Variants in TATDN1 observed in about 807,000 individuals in gnomAD.
TATDN1 encodes the protein TatD DNase domain containing 1.
A neutral mutation model predicts 46.4 loss-of-function variants in TATDN1; 40 were observed. That is an observed-to-expected ratio of 0.86 (90% CI 0.67 to 1.12). TATDN1 has a LOEUF of 1.12. TATDN1 is among the 50% of genes most tolerant of loss of function. The pLI is 0.00. For synonymous variants in TATDN1, 95 were observed against 105.6 expected (o/e 0.90, Z 0.62); for missense variants, 326 against 348.4 (o/e 0.94, Z 0.51).
intron 8 of TATDN1, 119 bp downstream of exon 8, chr8:124,508,355 T>C (rs568039678): frequency 9.1e-6 from 7 of 773,260 alleles, no homozygotes; most frequent in South Asian, 5.6e-5. Flanking sequence ...AAAGGTGTCA[T>C]TATCTCATGC....
At chr8:124,532,085 G>GGGAGGA (rs558567492) in intron 1 of TATDN1, among the ~76,000 whole-genome samples, 5 of 151,748 alleles carry the variant, frequency 3.3e-5, no homozygotes, top group East Asian at 3.9e-4. Context: ...GAGCAAGGGG[G>GGGAGGA]GGAGGAGGAG....
chr8:124,508,783 T>A, intron 6 of TATDN1, 95 bp from the exon 7 acceptor site: 1 of 774,792 alleles, frequency 1.3e-6, no homozygotes, highest in Non-Finnish European at 2.0e-6. Context: ...TAAAGGTATT[T>A]AATTCTCTAG....
intron 1 of TATDN1, among the ~76,000 whole-genome samples, chr8:124,529,096 A>C (rs1361592545): frequency 1.3e-5 from 2 of 152,074 alleles, no homozygotes; most frequent in Non-Finnish European, 2.9e-5. Flanking sequence ...CTTTCACACC[A>C]CTGTAAGCTT....
At chr8:124,536,902 A>T (rs1338229174) in intron 1 of TATDN1, among the ~76,000 whole-genome samples, 1 of 152,132 alleles carries the variant, frequency 6.6e-6, no homozygotes, top group Non-Finnish European at 1.5e-5. Flanking sequence ...TCTGTTTCAA[A>T]AGGAAAAAAA....
intron 8 of TATDN1, among the ~76,000 whole-genome samples, 200 bp downstream of exon 8, chr8:124,508,274 C>A (rs1310473333): frequency 2.0e-5 from 3 of 152,156 alleles, no homozygotes; most frequent in South Asian, 2.1e-4. Context: ...TTATACCACA[C>A]CCTGAAGGTA....
At chr8:124,495,438 T>C in intron 10 of TATDN1, 34 bp downstream of exon 10, 19 of 1,535,742 alleles carry the variant, frequency 1.2e-5, no homozygotes, top group Non-Finnish European at 1.7e-5. Flanking sequence ...TTGGTATGGT[T>C]TAATATGAAA....
intron 9 of TATDN1, among the ~76,000 whole-genome samples, chr8:124,499,704 C>T (rs546007905): frequency 1.1e-3 from 171 of 151,734 alleles, no homozygotes; most frequent in African/African-American, 3.9e-3. Flanking sequence ...CCACCACACC[C>T]GGCTAATTTT....
intron 6 of TATDN1, among the ~76,000 whole-genome samples, chr8:124,513,182 G>GA (rs1432822814): frequency 2.0e-5 from 3 of 152,062 alleles, no homozygotes; most frequent in Non-Finnish European, 4.4e-5. Flanking sequence ...CAAAGTGCTG[G>GA]AATTATAGGC....
chr8:124,505,122 C>A lies in TATDN1; in HGVS notation c.517-775G>T, dbSNP rs140404764. 2.8e-4 allele frequency among the ~76,000 whole-genome samples: 42 copies of A among 151,354 alleles called. No homozygotes were observed. The East Asian group carries it at 8.4e-3, about 30-fold the overall frequency. On this transcript the variant is annotated intron_variant, in intron 8 of 11. Coordinates refer to ENST00000276692, the MANE Select transcript of TATDN1 (RefSeq NM_032026.4). ...AGGCTGGGCCAGGCGCAATGGCTCACGCCTGTAACCCCAGCACTTTGGGAG... is the reference window on the plus strand; with the variant it reads ...AGGCTGGGCCAGGCGCAATGGCTCAAGCCTGTAACCCCAGCACTTTGGGAG...
At position 124,534,598 on chromosome 8, in the gene TATDN1, G is replaced by A. The variant is rs115651392; in HGVS notation, c.22+4427C>T. On this transcript the variant is annotated intron_variant, in intron 1 of 11. Transcript: ENST00000276692. ...CTCCCAAAGTGCTTGGATTACAGGC[G>A]TGAGGATTCACTTCTGACGTCAGGT... is the stretch of plus-strand genomic sequence containing the variant. Among the ~76,000 whole-genome samples, 683 of 152,296 alleles carry A rather than the reference G, an allele frequency of 4.5e-3. 4 individuals are homozygous for A. The highest frequency in any genetic ancestry group is 0.016 in the African/African-American group (662 of 41,568).
intron 11 of TATDN1, 34 bp downstream of exon 11, chr8:124,493,799 A>G: frequency 1.9e-6 from 3 of 1,564,816 alleles, no homozygotes; most frequent in Non-Finnish European, 2.6e-6. Flanking sequence ...TGGTTAACTA[A>G]TGATTTTGAA....
At position 124,539,025 on chromosome 8, in the gene TATDN1, C is replaced by G. The variant is rs1480691018; in HGVS notation, c.22G>C (p.Asp8His). ...AGGGCGTGGAAAACGCTCCTCTTAC[C>G]GATAAACTTGAAGCGACTCATGACT... MSRFKFIDIGINLTDPMF... is the reference protein window; with the variant it reads MSRFKFIHIGINLTDPMF... The change falls in exon 1 of 12, where the codon GAT becomes CAT. Residue 8 changes from aspartate to histidine, a missense_variant and splice_region_variant. Transcript: ENST00000276692. 9.9e-6 allele frequency: 16 copies of G among 1,614,024 alleles called. No individual in the cohort carries two copies. The highest frequency in any genetic ancestry group is 1.3e-5 in the Non-Finnish European group (15 of 1,180,024).
rs563915318 is a variant in TATDN1, at chr8:124,517,723, T to C, written c.202+1095A>G. Among the ~76,000 whole-genome samples, 7 of 152,296 alleles carry C rather than the reference T, an allele frequency of 4.6e-5. No individual in the cohort carries two copies. The South Asian group carries it at 8.3e-4, about 18-fold the overall frequency. The stretch of plus-strand genomic sequence containing the variant: ...TTTAAGATTTTAAACAAATGCAAAA[T>C]GTATGAACATAAAGCAAGGATATGA... On this transcript the variant is annotated intron_variant, in intron 4 of 11. Coordinates refer to ENST00000276692, the MANE Select transcript of TATDN1 (RefSeq NM_032026.4).
At chr8:124,494,165 C>A in intron 10 of TATDN1, 1 of 382,820 alleles carries the variant, frequency 2.6e-6, no homozygotes, top group Non-Finnish European at 4.5e-6. Context: ...CACTTCTATT[C>A]CTTTTTTCTG....
At position 124,518,211 on chromosome 8, in the gene TATDN1, CAAAAAAAAAAAAAAAAA is replaced by C. The variant is rs374487274; in HGVS notation, c.202+590_202+606del. Reference sequence around the variant, plus strand: ...TGGGCGACAGAGTGAGACTCTATCTCAAAAAAAAAAAAAAAAAAAAAAAAAAAAAAAGGCCGGGTGCA... The same window carrying C: ...TGGGCGACAGAGTGAGACTCTATCTCAAAAAAAAAAAAAAGGCCGGGTGCA... On this transcript the variant is annotated intron_variant, in intron 4 of 11. Transcript: ENST00000276692. Among the ~76,000 whole-genome samples the C allele has an allele frequency of 1.2e-3, 40 of 34,610 alleles. No individual in the cohort carries two copies. The East Asian group carries it at 0.023, about 20-fold the overall frequency. 22.7% of individuals were successfully genotyped at this position (34,610 alleles called of 152,430 possible).
intron 9 of TATDN1, among the ~76,000 whole-genome samples, chr8:124,502,106 G>A (rs1171067584): frequency 6.6e-6 from 1 of 152,040 alleles, no homozygotes; most frequent in African/African-American, 2.4e-5. Flanking sequence ...AGGCCGAGAC[G>A]GGCAGATCAC....
chr8:124,497,352 C>A (rs372760919), intron 9 of TATDN1, among the ~76,000 whole-genome samples: 167 of 149,962 alleles, frequency 1.1e-3, no homozygotes, highest in African/African-American at 4.0e-3. Flanking sequence ...TTGGCAAAAT[C>A]CCGGCGAGCT....
intron 1 of TATDN1, among the ~76,000 whole-genome samples, chr8:124,527,326 C>T (rs542313948): frequency 3.7e-4 from 56 of 152,216 alleles, no homozygotes; most frequent in Non-Finnish European, 6.6e-4. Flanking sequence ...GGTGCACAGC[C>T]TGAGTAAACC....
chr8:124,501,375 A>G (rs1157293085), intron 9 of TATDN1, among the ~76,000 whole-genome samples: 2 of 152,176 alleles, frequency 1.3e-5, no homozygotes, highest in East Asian at 3.8e-4. Flanking sequence ...TGAGCCTGCC[A>G]GTTGCTGGAA....
Sources: gnomAD v4.1 joint callset for allele counts (sites outside exome capture counted in the v4.1 genomes callset) on GRCh38, gnomAD v4.1.1 for gene constraint, MANE v1.5 for transcripts, NCBI Gene and HGNC (gene_info 2026-07-23, HGNC 2026-07-21) for gene names.